Variants in KLHL2 observed in about 807,000 individuals in gnomAD.
KLHL2 encodes kelch like family member 2, also known as kelch-like protein 2.
In KLHL2, 15 loss-of-function variants were observed where a neutral mutation model predicts 75.8. The ratio of observed to expected loss-of-function variants is 0.20; its 90% CI spans 0.13 to 0.30. The LOEUF is 0.30. KLHL2 is among the 10% of genes least tolerant of loss of function. The pLI, the probability that KLHL2 is intolerant of heterozygous loss-of-function variation, is 1.00. For missense variants in KLHL2, 381 were observed against 741.0 expected, an observed-to-expected ratio of 0.51 and a Z score of 5.64; for synonymous variants, 214 against 251.9, an observed-to-expected ratio of 0.85 and a Z score of 1.42.
At chr4:165,282,567 C>G (rs1743777521) in intron 5 of KLHL2, among the ~76,000 whole-genome samples, 1 of 152,052 alleles carries the variant, frequency 6.6e-6, no homozygotes, top group Admixed American at 6.6e-5. Context: ...TGCACTAGAG[C>G]CCTGAATTTA....
intron 8 of KLHL2, among the ~76,000 whole-genome samples, chr4:165,300,843 C>A (rs1299293166): frequency 3.3e-5 from 5 of 152,114 alleles, no homozygotes; most frequent in Admixed American, 6.5e-5. Flanking sequence ...TTACTCTGTC[C>A]TTTCCATTGA....
intron 1 of KLHL2, among the ~76,000 whole-genome samples, chr4:165,218,716 G>T (rs1173550382): frequency 4.6e-5 from 7 of 152,062 alleles, no homozygotes; most frequent in African/African-American, 1.7e-4. Flanking sequence ...TACATGGTTG[G>T]TACTAAAAAC....
chr4:165,231,712 T>C (rs926847715), intron 3 of KLHL2, among the ~76,000 whole-genome samples: 1 of 152,244 alleles, frequency 6.6e-6, no homozygotes, highest in African/African-American at 2.4e-5. Flanking sequence ...ATAATACTGC[T>C]ATGAATATTC....
intron 6 of KLHL2, among the ~76,000 whole-genome samples, chr4:165,294,827 T>C (rs1744794153): frequency 6.6e-6 from 1 of 152,238 alleles, no homozygotes; most frequent in Non-Finnish European, 1.5e-5. Context: ...TCAATGCCTG[T>C]AGGAATTATG....
intron 8 of KLHL2, among the ~76,000 whole-genome samples, chr4:165,300,315 G>T (rs1375359585): frequency 6.7e-6 from 1 of 149,234 alleles, no homozygotes; most frequent in East Asian, 2.0e-4. Context: ...AAAAAAAAAA[G>T]AATTATTTTG....
At chr4:165,256,135 C>G (rs1409402838) in intron 4 of KLHL2, among the ~76,000 whole-genome samples, 1 of 152,008 alleles carries the variant, frequency 6.6e-6, no homozygotes, top group Non-Finnish European at 1.5e-5. Context: ...GAGAGTGTCA[C>G]ACAGATGCTA....
At position 165,310,548 on chromosome 4, in the gene KLHL2, T is replaced by C. The variant is rs764324668; in HGVS notation, c.1040-5T>C. The C allele has an allele frequency of 2.3e-5, 37 of 1,613,320 alleles. No homozygotes were observed. The highest frequency in any genetic ancestry group is 2.9e-5 in the Non-Finnish European group (34 of 1,179,400). ...TGATCATTAAATGCTGTACTCCTTT[T>C]GCAGGCATGGTCTACATGGCTGGAC... On this transcript the variant is annotated splice_polypyrimidine_tract_variant and splice_region_variant and intron_variant, in intron 9 of 14. Coordinates refer to ENST00000226725, the MANE Select transcript of KLHL2 (RefSeq NM_007246.4).
chr4:165,226,307 G>A (rs1738426236), intron 2 of KLHL2, among the ~76,000 whole-genome samples: 1 of 152,098 alleles, frequency 6.6e-6, no homozygotes, highest in Non-Finnish European at 1.5e-5. Context: ...CCACAGTTCC[G>A]CATTCTGCTT....
intron 5 of KLHL2, among the ~76,000 whole-genome samples, chr4:165,267,635 A>G (rs1308960405): frequency 6.6e-6 from 1 of 152,066 alleles, no homozygotes; most frequent in African/African-American, 2.4e-5. Context: ...CGTGCATTGA[A>G]CCAGCCTTGC....
At chr4:165,307,539 G>T (rs112147957) in intron 9 of KLHL2, among the ~76,000 whole-genome samples, 3 of 152,060 alleles carry the variant, frequency 2.0e-5, no homozygotes, top group Non-Finnish European at 4.4e-5. Flanking sequence ...GCTGTTCTAG[G>T]ATCCTGCTTT....
At chr4:165,293,812 G>A (rs1393362141) in intron 5 of KLHL2, among the ~76,000 whole-genome samples, 1 of 151,644 alleles carries the variant, frequency 6.6e-6, no homozygotes, top group Non-Finnish European at 1.5e-5. Context: ...CACTGCGCCC[G>A]GCCCAATTCT....
intron 13 of KLHL2, among the ~76,000 whole-genome samples, chr4:165,317,161 A>G (rs911476576): frequency 1.3e-5 from 2 of 152,086 alleles, no homozygotes; most frequent in African/African-American, 4.8e-5. Flanking sequence ...ACCTTCTACT[A>G]ACATATATTT....
chr4:165,282,015 T>C (rs2126425815), intron 5 of KLHL2, among the ~76,000 whole-genome samples: 1 of 152,296 alleles, frequency 6.6e-6, no homozygotes, highest in South Asian at 2.1e-4. Flanking sequence ...CAAGCTATGA[T>C]CCATAAACAA....
At chr4:165,247,296 G>A (rs1200582560) in intron 4 of KLHL2, among the ~76,000 whole-genome samples, 3 of 152,086 alleles carry the variant, frequency 2.0e-5, no homozygotes, top group Admixed American at 6.6e-5. Flanking sequence ...AATGAAAACT[G>A]GTTTGGAGTG....
At chr4:165,226,786 C>T (rs1738474259) in intron 2 of KLHL2, among the ~76,000 whole-genome samples, 1 of 151,928 alleles carries the variant, frequency 6.6e-6, no homozygotes, top group Non-Finnish European at 1.5e-5. Flanking sequence ...CAAACTTTAA[C>T]AGATCTTAAA....
intron 1 of KLHL2, among the ~76,000 whole-genome samples, chr4:165,214,715 C>T (rs1312413321): frequency 6.6e-6 from 1 of 152,134 alleles, no homozygotes; most frequent in Non-Finnish European, 1.5e-5. Flanking sequence ...GAGTTCAGGG[C>T]TCTGCTTTTT....
At position 165,207,948 on chromosome 4, in the gene KLHL2, C is replaced by T; in HGVS notation, c.26+46C>T. On this transcript the variant is annotated intron_variant, in intron 1 of 14. Transcript: ENST00000226725. This position sits in a 1 kb window ranked among gnomAD's most constrained non-coding sequence, Gnocchi z 4.2. ...GCTGCGCCGCTGCGGATAAGCGCGCCGCTGCGGCGCGTGTCGCCGGCCGCG... is the reference window on the plus strand; with the variant it reads ...GCTGCGCCGCTGCGGATAAGCGCGCTGCTGCGGCGCGTGTCGCCGGCCGCG... 2 of 1,290,090 alleles carry T rather than the reference C, an allele frequency of 1.6e-6. No individual in the cohort carries two copies. The highest frequency in any genetic ancestry group is 2.0e-6 in the Non-Finnish European group (2 of 1,018,750). 79.9% of individuals were successfully genotyped at this position (1,290,090 alleles called of 1,614,324 possible).
chr4:165,266,949 T>C (rs1197030493), intron 5 of KLHL2, among the ~76,000 whole-genome samples: 2 of 152,176 alleles, frequency 1.3e-5, no homozygotes, highest in Non-Finnish European at 2.9e-5. Flanking sequence ...TTCCTATCCA[T>C]GAGCATGGAA....
intron 5 of KLHL2, among the ~76,000 whole-genome samples, chr4:165,270,269 C>T (rs1742582094): frequency 6.6e-6 from 1 of 152,126 alleles, no homozygotes; most frequent in Non-Finnish European, 1.5e-5. Flanking sequence ...TTAGAACGTG[C>T]TCCTTTAGCT....
Sources: gnomAD v4.1 joint callset for allele counts (sites outside exome capture counted in the v4.1 genomes callset) on GRCh38, gnomAD v4.1.1 for gene constraint, Gnocchi (gnomAD v3.1) non-coding constraint, MANE v1.5 for transcripts, NCBI Gene and HGNC (gene_info 2026-07-23, HGNC 2026-07-21) for gene names.